Variants in SPATA1 observed in about 807,000 individuals in gnomAD.
The protein encoded by SPATA1 is spermatogenesis associated 1, also known as spermatogenesis-associated protein 1.
A neutral mutation model predicts 59.6 loss-of-function variants in SPATA1; 57 were observed. The observed-to-expected ratio is 0.96, with a 90% CI of 0.77 to 1.19. The LOEUF (loss-of-function observed/expected upper bound fraction) is 1.19. Among genes scored for constraint, SPATA1 ranks in the 50% most tolerant of loss-of-function variants. SPATA1 has a pLI of 0.00. For missense variants in SPATA1, 448 were observed against 480.7 expected, an observed-to-expected ratio of 0.93 and a Z score of 0.64; for synonymous variants, 147 against 163.9, an observed-to-expected ratio of 0.90 and a Z score of 0.79.
chr1:84,525,017 C>T (rs1005884025), intron 4 of SPATA1, among the ~76,000 whole-genome samples: 8 of 152,124 alleles, frequency 5.3e-5, no homozygotes, highest in Non-Finnish European at 1.2e-4. Flanking sequence ...CCCTCTGTTG[C>T]CCAGGCTGGA....
At chr1:84,516,433 C>T in intron 2 of SPATA1, 38 bp downstream of exon 2, 3 of 1,199,636 alleles carry the variant, frequency 2.5e-6, no homozygotes, top group Non-Finnish European at 3.4e-6. Flanking sequence ...TAAGAAAGAC[C>T]TGCTTATCAC....
chr1:84,507,180 A>G (rs954816883), intron 1 of SPATA1: 13 of 152,090 alleles, frequency 8.5e-5, no homozygotes, highest in African/African-American at 2.7e-4. Context: ...GATGTTTCCT[A>G]TTTCTTTTCG....
chr1:84,517,992 G>T (rs572133820), intron 2 of SPATA1, among the ~76,000 whole-genome samples: 2 of 152,002 alleles, frequency 1.3e-5, no homozygotes, highest in East Asian at 1.9e-4. Context: ...TATTATTGCC[G>T]CAAGTAGTAA....
At chr1:84,530,491 T>C (rs758824623) in intron 6 of SPATA1, among the ~76,000 whole-genome samples, 3 of 152,120 alleles carry the variant, frequency 2.0e-5, no homozygotes, top group Admixed American at 1.3e-4. Context: ...CTGAAGAGTT[T>C]AGTAGGTAAT....
intron 10 of SPATA1, among the ~76,000 whole-genome samples, chr1:84,546,796 G>C (rs565985021): frequency 1.3e-5 from 2 of 152,114 alleles, no homozygotes; most frequent in East Asian, 3.9e-4. Context: ...TTAATTTTTT[G>C]ATATGTGTGT....
chr1:84,531,659 A>G (rs1683475469), intron 6 of SPATA1, among the ~76,000 whole-genome samples: 1 of 147,564 alleles, frequency 6.8e-6, no homozygotes, highest in Non-Finnish European at 1.5e-5. Flanking sequence ...CTACAGCCTC[A>G]ACCTTCCAGG....
At chr1:84,525,475 T>G (rs1683177573) in intron 4 of SPATA1, among the ~76,000 whole-genome samples, 1 of 152,210 alleles carries the variant, frequency 6.6e-6, no homozygotes, top group Non-Finnish European at 1.5e-5. Flanking sequence ...ATTTAAGTGA[T>G]AGGCATAGTT....
chr1:84,531,725 C>T (rs1377938599), intron 6 of SPATA1, among the ~76,000 whole-genome samples: 16 of 151,752 alleles, frequency 1.1e-4, no homozygotes, highest in Admixed American at 1.1e-3. Context: ...AGGCATGCAC[C>T]ACCATGCCTG....
At chr1:84,514,260 G>C (rs899794680) in intron 1 of SPATA1, among the ~76,000 whole-genome samples, 2 of 152,010 alleles carry the variant, frequency 1.3e-5, no homozygotes, top group Admixed American at 1.3e-4. Flanking sequence ...TTTGTTTCTA[G>C]CCAGCCCAGG....
chr1:84,533,160 A>C (rs1478391262), intron 7 of SPATA1, among the ~76,000 whole-genome samples, 186 bp downstream of exon 7: 1 of 152,140 alleles, frequency 6.6e-6, no homozygotes, highest in African/African-American at 2.4e-5. Flanking sequence ...CAAGATAATA[A>C]GGGATAATTC....
Position 84,518,963 on chromosome 1 carries a change from A to G in SPATA1, c.37-1622A>G, listed in dbSNP as rs540917705. ...TATGTTTATTGTTTTTTAATTTTTA[A>G]AAAATTTTAAAAATTGTACTTCTTA... On this transcript the variant is annotated intron_variant, in intron 2 of 12. Transcript: ENST00000490879. Among the ~76,000 whole-genome samples, 4 of 151,994 alleles carry G rather than the reference A, an allele frequency of 2.6e-5. No homozygotes were observed. The South Asian group carries it at 8.3e-4, about 31-fold the overall frequency.
At chr1:84,522,691 G>T (rs1203931699) in intron 4 of SPATA1, among the ~76,000 whole-genome samples, 184 bp downstream of exon 4, 1 of 152,058 alleles carries the variant, frequency 6.6e-6, no homozygotes, top group African/African-American at 2.4e-5. Context: ...ATGTTATTGG[G>T]CATGAAAATG....
chr1:84,560,530 T>C (rs953574546), intron 4 of SPATA1, among the ~76,000 whole-genome samples: 11 of 152,198 alleles, frequency 7.2e-5, no homozygotes, highest in African/African-American at 2.4e-4. Flanking sequence ...AAACCTCCCA[T>C]GTCGGGTAAA....
intron 1 of SPATA1, among the ~76,000 whole-genome samples, chr1:84,513,222 G>A (rs1203746762): frequency 2.0e-5 from 3 of 152,140 alleles, no homozygotes; most frequent in Non-Finnish European, 2.9e-5. Context: ...CGCACCCTCC[G>A]TCTCCCGGGT....
intron 4 of SPATA1, chr1:84,564,006 G>A: frequency 2.7e-6 from 1 of 365,138 alleles, no homozygotes; most frequent in Non-Finnish European, 3.8e-6. Flanking sequence ...TCTATATCTT[G>A]CTTTCTAAAC....
intron 8 of SPATA1, among the ~76,000 whole-genome samples, chr1:84,536,729 C>T (rs569937252): frequency 6.6e-6 from 1 of 152,072 alleles, no homozygotes; most frequent in African/African-American, 2.4e-5. Flanking sequence ...CAGGCATGAG[C>T]CACCGCACCC....
At chr1:84,560,925 C>G (rs1684584772) in intron 4 of SPATA1, among the ~76,000 whole-genome samples, 1 of 152,226 alleles carries the variant, frequency 6.6e-6, no homozygotes. Context: ...TGACAATGCA[C>G]TTGGTCACCC....
At chr1:84,567,201 T>C (rs1280645566), downstream of SPATA1, among the ~76,000 whole-genome samples, 3 of 152,210 alleles carry the variant, frequency 2.0e-5, no homozygotes, top group Admixed American at 6.5e-5. Flanking sequence ...TATAATTCCG[T>C]GAATATTAGC....
At chr1:84,554,238 CAGTGAACAGAATCAAGT>C (rs1242904570) in exon 13 of SPATA1, 1 of 149,208 alleles carries the variant, frequency 6.7e-6, no homozygotes, top group African/African-American at 2.6e-5. Flanking sequence ...AGAAGTGTGA[CAGTGAACAGAATCAAGT>C]TCAACTGCAA....
Sources: gnomAD v4.1 joint callset for allele counts (sites outside exome capture counted in the v4.1 genomes callset) on GRCh38, gnomAD v4.1.1 for gene constraint, MANE v1.5 for transcripts, NCBI Gene and HGNC (gene_info 2026-07-23, HGNC 2026-07-21) for gene names.